P2RX3: variants seen among roughly 807,000 people sequenced by gnomAD.
The protein encoded by P2RX3 is P2X purinoceptor 3.
In P2RX3, 41 loss-of-function variants were observed where a neutral mutation model predicts 51.5. The ratio of observed to expected loss-of-function variants is 0.80; its 90% CI spans 0.62 to 1.03. P2RX3 has a LOEUF of 1.03. P2RX3 is among the 50% of genes least tolerant of loss of function. The probability of loss-of-function intolerance (pLI) is 0.00; values close to 1 mark genes in which losing one functional copy is unlikely to be tolerated. For synonymous variants in P2RX3, 185 were observed against 191.6 expected (o/e 0.97, Z 0.29); for missense variants, 459 against 522.1 (o/e 0.88, Z 1.18).
chr11:57,353,478 G>A, intron 8 of P2RX3, among the ~76,000 whole-genome samples: 1 of 152,174 alleles, frequency 6.6e-6, no homozygotes, highest in East Asian at 1.9e-4. Flanking sequence ...ACCCCAGCCA[G>A]GAAGACTAGG....
chr11:57,356,929 A>T (rs1242883397), intron 8 of P2RX3, among the ~76,000 whole-genome samples: 1 of 152,220 alleles, frequency 6.6e-6, no homozygotes, highest in Non-Finnish European at 1.5e-5. Flanking sequence ...AGTATTATTC[A>T]TAGAAAATAT....
rs572459011 is a variant in P2RX3, at chr11:57,347,497, C to A, written c.391+19C>A. The A allele has an allele frequency of 6.4e-7, 1 of 1,552,182 alleles. No homozygotes were observed. Among genetic ancestry groups the A allele is most frequent in the East Asian group, 2.4e-5 (1 of 41,014 alleles). On this transcript the variant is annotated intron_variant, in intron 4 of 11. Transcript: ENST00000263314. ...GGTGGGGGTGAGTCCAGCCCCTTAC[C>A]CACCCCACAATCCCAAGTGTTAGTG...
At chr11:57,357,656 C>T (rs1856651245) in intron 8 of P2RX3, among the ~76,000 whole-genome samples, 1 of 152,054 alleles carries the variant, frequency 6.6e-6, no homozygotes, top group African/African-American at 2.4e-5. Context: ...TTTTAAAGAT[C>T]AACAAGAAGC....
At chr11:57,343,193 C>A (rs962141888) in intron 1 of P2RX3, among the ~76,000 whole-genome samples, 1 of 152,194 alleles carries the variant, frequency 6.6e-6, no homozygotes, top group Admixed American at 6.5e-5. Flanking sequence ...TTATTTAAGT[C>A]AGAGAGAGAA....
chr11:57,336,252 TCTCCCA>T (rs1292953906), upstream of P2RX3, among the ~76,000 whole-genome samples: 1 of 152,100 alleles, frequency 6.6e-6, no homozygotes, highest in Non-Finnish European at 1.5e-5. Context: ...GGAAACGACC[TCTCCCA>T]CTGGCTGCGG....
intron 1 of P2RX3, among the ~76,000 whole-genome samples, chr11:57,342,148 CTTTTTTTTTTTTTTTTT>C (rs67011422): frequency 2.1e-5 from 1 of 48,362 alleles, no homozygotes; most frequent in Non-Finnish European, 3.4e-5. Context: ...GCTGCCCCAT[CTTTTTTTTTTTTTTTTT>C]TTTTTTTTTT....
chr11:57,347,520 G>C, intron 4 of P2RX3, 42 bp downstream of exon 4: 2 of 1,544,958 alleles, frequency 1.3e-6, no homozygotes, highest in Non-Finnish European at 1.8e-6. Flanking sequence ...CCAAGTGTTA[G>C]TGGGACCCAT....
chr11:57,348,706 T>C lies in P2RX3; in HGVS notation c.563+2T>C. ...TTTCCCCCTCTTCAACTTTGAGAAGTGAGTCCCCACTCCTTCCCTAAAGCC... is the reference window on the plus strand; with the variant it reads ...TTTCCCCCTCTTCAACTTTGAGAAGCGAGTCCCCACTCCTTCCCTAAAGCC... On this transcript the variant is annotated splice_donor_variant, in intron 6 of 11. Coordinates refer to ENST00000263314, the MANE Select transcript of P2RX3 (RefSeq NM_002559.5). LOFTEE classifies it high-confidence loss of function. 1 of 1,611,354 alleles carries C rather than the reference T, an allele frequency of 6.2e-7. No individual in the cohort carries two copies. Among genetic ancestry groups the C allele is most frequent in the Non-Finnish European group, 8.5e-7 (1 of 1,178,286 alleles).
chr11:57,365,532 G>A (rs1856784820), intron 8 of P2RX3, among the ~76,000 whole-genome samples: 1 of 152,214 alleles, frequency 6.6e-6, no homozygotes, highest in Non-Finnish European at 1.5e-5. Flanking sequence ...CCAGAGCTGG[G>A]CACAGAAGGG....
chr11:57,350,543 AAGTGCTGGG>A, intron 7 of P2RX3: 1 of 539,010 alleles, frequency 1.9e-6, no homozygotes, highest in South Asian at 2.6e-5. Flanking sequence ...CGGCCTCCCA[AAGTGCTGGG>A]ATTACAGGCG....
chr11:57,350,228 G>T, intron 7 of P2RX3: 2 of 296,836 alleles, frequency 6.7e-6, no homozygotes, highest in South Asian at 5.3e-5. Flanking sequence ...CTCCTGTGTT[G>T]TAGCTAAAGC....
Position 57,369,964 on chromosome 11 carries a change from C to T in P2RX3, c.1161C>T (p.Ser387=). 1.2e-6 allele frequency: 2 copies of T among 1,613,996 alleles called. No homozygotes were observed. The highest frequency in any genetic ancestry group is 2.7e-5 in the African/African-American group (2 of 75,052). The change falls in exon 12 of 12, where the codon TCC becomes TCT. Residue 387 remains serine (S), a synonymous_variant. Coordinates refer to ENST00000263314, the MANE Select transcript of P2RX3 (RefSeq NM_002559.5). ...PSDQTTAEKQ[S]TDSGAFSIGH ...ACCAGACCACAGCGGAGAAGCAGTC[C>T]ACCGATTCGGGGGCCTTCTCCATAG...
At chr11:57,360,450 C>T (rs1393154687) in intron 8 of P2RX3, among the ~76,000 whole-genome samples, 1 of 152,166 alleles carries the variant, frequency 6.6e-6, no homozygotes, top group Admixed American at 6.5e-5. Context: ...TTCTAGCAAG[C>T]ATTTACTCAA....
rs1856489149 is a variant in P2RX3, at chr11:57,348,720, T to G, written c.563+16T>G. 6.2e-7 allele frequency: 1 copy of G among 1,604,126 alleles called. No individual in the cohort carries two copies. Among genetic ancestry groups the G allele is most frequent in the Non-Finnish European group, 8.5e-7 (1 of 1,172,880 alleles). On this transcript the variant is annotated intron_variant, in intron 6 of 11. Transcript: ENST00000263314. The stretch of plus-strand genomic sequence containing the variant: ...ACTTTGAGAAGTGAGTCCCCACTCC[T>G]TCCCTAAAGCCAAGATGCAGGCACC...
intron 8 of P2RX3, among the ~76,000 whole-genome samples, chr11:57,351,963 G>A (rs1856555888): frequency 6.6e-6 from 1 of 152,082 alleles, no homozygotes; most frequent in African/African-American, 2.4e-5. Context: ...TTCTGGCAGG[G>A]CCCTGTTTAA....
At chr11:57,362,362 A>G (rs1488238359) in intron 8 of P2RX3, among the ~76,000 whole-genome samples, 1 of 152,136 alleles carries the variant, frequency 6.6e-6, no homozygotes, top group African/African-American at 2.4e-5. Flanking sequence ...CCCAATCCTA[A>G]CCAAAAAAAT....
chr11:57,365,832 C>T (rs1361318447), intron 8 of P2RX3, among the ~76,000 whole-genome samples: 1 of 152,230 alleles, frequency 6.6e-6, no homozygotes, highest in Non-Finnish European at 1.5e-5. Flanking sequence ...AGTTATCTTC[C>T]TCCCATGCCT....
chr11:57,349,939 C>A (rs900724494), intron 7 of P2RX3, 41 bp downstream of exon 7: 1 of 1,610,016 alleles, frequency 6.2e-7, no homozygotes, highest in Non-Finnish European at 8.5e-7. Context: ...AAACTCCCCA[C>A]CTTCAGCCCT....
In P2RX3 at chr11:57,369,982, C is replaced by G; in HGVS notation, c.1179C>G (p.Phe393Leu). 6.2e-7 allele frequency: 1 copy of G among 1,612,434 alleles called. No homozygotes were observed. Among genetic ancestry groups the G allele is most frequent in the East Asian group, 2.2e-5 (1 of 44,800 alleles). ...AEKQSTDSGA[F>L]SIGH ...AGCAGTCCACCGATTCGGGGGCCTT[C>G]TCCATAGGCCACTAGGGCCTCTTTC... The change falls in exon 12 of 12, where the codon TTC becomes TTG. Residue 393 changes from phenylalanine to leucine, a missense_variant. Physicochemically the swap from Phe to Leu is conservative, Grantham distance 22. Transcript: ENST00000263314.
Sources: allele counts gnomAD v4.1 joint callset (sites outside exome capture counted in the v4.1 genomes callset), GRCh38; gene constraint gnomAD v4.1.1; transcripts MANE v1.5; gene names NCBI Gene and HGNC (gene_info 2026-07-23, HGNC 2026-07-21).